MMP16: variants seen among roughly 807,000 people sequenced by gnomAD.
The protein encoded by MMP16 is matrix metallopeptidase 16.
Under a neutral mutation model 67.8 loss-of-function variants are expected in MMP16, and 12 were observed. That is an observed-to-expected ratio of 0.18 (90% CI 0.11 to 0.29). The LOEUF is 0.29. Among genes scored for constraint, MMP16 ranks in the 10% least tolerant of loss-of-function variants. The pLI, the probability that MMP16 is intolerant of heterozygous loss-of-function variation, is 1.00. For synonymous variants in MMP16, 249 were observed against 255.9 expected (o/e 0.97, Z 0.26); for missense variants, 475 against 765.7 (o/e 0.62, Z 4.48).
At chr8:88,269,479 G>A (rs1222164955) in intron 1 of MMP16, among the ~76,000 whole-genome samples, 1 of 152,114 alleles carries the variant, frequency 6.6e-6, no homozygotes, top group East Asian at 1.9e-4. Flanking sequence ...AGGGAGTTGA[G>A]GGGAATAATA....
intron 1 of MMP16, among the ~76,000 whole-genome samples, chr8:88,238,663 TAAAAA>T (rs34127125): frequency 3.0e-5 from 3 of 99,886 alleles, no homozygotes; most frequent in South Asian, 3.6e-4. Flanking sequence ...AAGACTCTGT[TAAAAA>T]AAAAAAAAAA....
Position 88,086,294 on chromosome 8 carries a change from C to A in MMP16, c.1084-11551G>T, listed in dbSNP as rs148343707. Among the ~76,000 whole-genome samples, 107 of 151,934 alleles carry A rather than the reference C, an allele frequency of 7.0e-4. 4 individuals carry two copies. The highest frequency in any genetic ancestry group is 2.6e-3 in the African/African-American group (106 of 41,362). ...CAGTTAGGGAAAGTAGTCACAAATT[C>A]CAGATAAGAATGCACCACACATTAC... On this transcript the variant is annotated intron_variant, in intron 6 of 9. Coordinates refer to ENST00000286614, the MANE Select transcript of MMP16 (RefSeq NM_005941.5).
intron 1 of MMP16, among the ~76,000 whole-genome samples, chr8:88,282,817 A>G (rs1395430876): frequency 6.6e-6 from 1 of 152,194 alleles, no homozygotes; most frequent in Non-Finnish European, 1.5e-5. Context: ...TTTATAATCT[A>G]TTAACATAGG....
intron 1 of MMP16, among the ~76,000 whole-genome samples, chr8:88,300,613 G>T (rs1255520206): frequency 2.0e-5 from 3 of 152,092 alleles, no homozygotes; most frequent in African/African-American, 4.8e-5. Flanking sequence ...CTTTCATTGT[G>T]CATATTTTAT....
At chr8:88,069,524 T>G (rs538027243) in intron 7 of MMP16, 2 of 525,130 alleles carry the variant, frequency 3.8e-6, no homozygotes, top group African/African-American at 3.9e-5. Flanking sequence ...CTCCCTTCAC[T>G]GCAAAGGAAA....
At chr8:88,123,292 G>A (rs1458798900) in intron 4 of MMP16, among the ~76,000 whole-genome samples, 1 of 151,908 alleles carries the variant, frequency 6.6e-6, no homozygotes. Flanking sequence ...TTAAAATATT[G>A]TCCATTCCAA....
chr8:88,158,379 T>C (rs1563549156), intron 4 of MMP16, among the ~76,000 whole-genome samples: 1 of 152,216 alleles, frequency 6.6e-6, no homozygotes, highest in African/African-American at 2.4e-5. Flanking sequence ...TGGTGTGAGA[T>C]GGTATCTCGT....
intron 1 of MMP16, among the ~76,000 whole-genome samples, chr8:88,220,290 T>A (rs1402102209): frequency 1.3e-5 from 2 of 152,176 alleles, no homozygotes; most frequent in Non-Finnish European, 2.9e-5. Context: ...ACATTGTGTG[T>A]GTTTTGTTAT....
chr8:88,298,243 C>T (rs1335598571), intron 1 of MMP16, among the ~76,000 whole-genome samples: 1 of 152,110 alleles, frequency 6.6e-6, no homozygotes, highest in East Asian at 1.9e-4. Context: ...AAAACATTTT[C>T]CCACTTCCCT....
chr8:88,043,327 A>G (rs887593064), intron 9 of MMP16, among the ~76,000 whole-genome samples: 1 of 152,082 alleles, frequency 6.6e-6, no homozygotes, highest in Non-Finnish European at 1.5e-5. Context: ...CTTGCTGCCC[A>G]GGGTGGAGTG....
At chr8:88,303,701 C>T (rs1225962270) in intron 1 of MMP16, among the ~76,000 whole-genome samples, 1 of 152,190 alleles carries the variant, frequency 6.6e-6, no homozygotes, top group South Asian at 2.1e-4. Context: ...GGAGCAGACC[C>T]CCAGCAAACT....
At chr8:88,306,427 A>C (rs114187684) in intron 1 of MMP16, among the ~76,000 whole-genome samples, 3,567 of 152,282 alleles carry the variant, frequency 0.023, 142 homozygotes, top group African/African-American at 0.081. Context: ...TTCCTAGCTC[A>C]TTTTATGACA....
chr8:88,164,221 G>C (rs367687337), intron 4 of MMP16, among the ~76,000 whole-genome samples: 6 of 152,014 alleles, frequency 3.9e-5, no homozygotes, highest in South Asian at 2.1e-4. Flanking sequence ...AAGCTGTTCT[G>C]TTTCCCAGCT....
intron 1 of MMP16, among the ~76,000 whole-genome samples, chr8:88,267,425 A>G (rs1810492302): frequency 6.6e-6 from 1 of 152,194 alleles, no homozygotes; most frequent in African/African-American, 2.4e-5. Context: ...ACAAAACCCC[A>G]AAGGGGCCTG....
chr8:88,141,091 A>G (rs996657387), intron 4 of MMP16, among the ~76,000 whole-genome samples: 6 of 152,180 alleles, frequency 3.9e-5, no homozygotes, highest in African/African-American at 1.4e-4. Flanking sequence ...TACTCTCCAT[A>G]CGCAAGTCGA....
At chr8:88,160,487 C>A (rs1420722389) in intron 4 of MMP16, among the ~76,000 whole-genome samples, 2 of 151,970 alleles carry the variant, frequency 1.3e-5, no homozygotes, top group African/African-American at 4.8e-5. Flanking sequence ...TGAACAGACA[C>A]CTCTCAAAAG....
At chr8:88,309,056 C>T (rs1456841002) in intron 1 of MMP16, among the ~76,000 whole-genome samples, 3 of 151,984 alleles carry the variant, frequency 2.0e-5, no homozygotes, top group African/African-American at 7.2e-5. Flanking sequence ...ACCAAGCATG[C>T]TCAAGCATTG....
intron 6 of MMP16, among the ~76,000 whole-genome samples, chr8:88,110,098 C>T (rs927902819): frequency 1.3e-5 from 2 of 151,006 alleles, no homozygotes; most frequent in East Asian, 2.0e-4. Context: ...ATATATTAAA[C>T]ATTGCTTTAT....
At chr8:88,313,243 G>A (rs575028192) in intron 1 of MMP16, among the ~76,000 whole-genome samples, 107 of 152,298 alleles carry the variant, frequency 7.0e-4, no homozygotes, top group Middle Eastern at 6.8e-3. Flanking sequence ...ATTTCATGCA[G>A]TGTTGCTGTG....
Sources: gnomAD v4.1 joint callset for allele counts (sites outside exome capture counted in the v4.1 genomes callset) on GRCh38, gnomAD v4.1.1 for gene constraint, MANE v1.5 for transcripts, NCBI Gene and HGNC (gene_info 2026-07-23, HGNC 2026-07-21) for gene names.